RBM27: variants seen among roughly 807,000 people sequenced by gnomAD.
The protein encoded by RBM27 is RNA binding motif protein 27, also known as RNA-binding protein 27.
In RBM27, 22 loss-of-function variants were observed where a neutral mutation model predicts 135.3. The observed-to-expected ratio is 0.16, with a 90% confidence interval of 0.12 to 0.23. The LOEUF (loss-of-function observed/expected upper bound fraction) is 0.23. Ranked by LOEUF, RBM27 falls within the 10% of genes least tolerant of loss-of-function variation. The pLI is 1.00. For missense variants in RBM27, 1,009 were observed against 1,281.0 expected (o/e 0.79, Z 3.24); for synonymous variants, 481 against 442.4 (o/e 1.09, Z -1.10).
chr5:146,246,595 C>A (rs1374958600), intron 8 of RBM27, among the ~76,000 whole-genome samples: 1 of 152,102 alleles, frequency 6.6e-6, no homozygotes, highest in African/African-American at 2.4e-5. Flanking sequence ...GGGAAGATAC[C>A]TTGAGGCCAA....
At chr5:146,262,192 T>A (rs988016795) in intron 13 of RBM27, among the ~76,000 whole-genome samples, 4 of 152,236 alleles carry the variant, frequency 2.6e-5, no homozygotes, top group African/African-American at 4.8e-5. Flanking sequence ...ACAGGGCCTA[T>A]AAATATACAT....
intron 1 of RBM27, among the ~76,000 whole-genome samples, chr5:146,216,770 G>T (rs1485737704): frequency 6.6e-6 from 1 of 152,108 alleles, no homozygotes; most frequent in Admixed American, 6.6e-5. Flanking sequence ...CAATGCTCCT[G>T]TCTCAGCTTC....
At chr5:146,270,506 C>T (rs919421026) in intron 17 of RBM27, among the ~76,000 whole-genome samples, 2 of 152,114 alleles carry the variant, frequency 1.3e-5, no homozygotes, top group African/African-American at 4.8e-5. Flanking sequence ...CATTGGCAGT[C>T]ATGTCTTTTA....
At position 146,204,868 on chromosome 5, in the gene RBM27, A is replaced by G. The variant is rs767108766; in HGVS notation, c.59+1044A>G. On this transcript the variant is annotated intron_variant, in intron 1 of 20. Transcript: ENST00000265271. ...GTAGAAATGTTATTGGGAGGCTTGA[A>G]AGAGGTAACAGATGTATCAACATTT... Among the ~76,000 whole-genome samples the G allele has an allele frequency of 2.0e-4, 31 of 152,280 alleles. 1 individual carries two copies. Among genetic ancestry groups the G allele is most frequent in the Non-Finnish European group, 3.8e-4 (26 of 68,012 alleles).
At chr5:146,256,125 G>A (rs1487748806) in intron 10 of RBM27, among the ~76,000 whole-genome samples, 1 of 150,954 alleles carries the variant, frequency 6.6e-6, no homozygotes, top group Non-Finnish European at 1.5e-5. Flanking sequence ...CAAAGTGCTG[G>A]TATTACAGGT....
chr5:146,253,197 C>T (rs1397942689), intron 9 of RBM27, among the ~76,000 whole-genome samples: 1 of 152,040 alleles, frequency 6.6e-6, no homozygotes, highest in African/African-American at 2.4e-5. Flanking sequence ...GGGGTTTTGC[C>T]ATGTTGGTCA....
intron 7 of RBM27, among the ~76,000 whole-genome samples, chr5:146,234,182 T>A (rs1279069173): frequency 2.0e-5 from 3 of 152,188 alleles, no homozygotes; most frequent in African/African-American, 7.2e-5. Context: ...GAAAGCCAGT[T>A]TTTAAGATGT....
At position 146,281,621 on chromosome 5, in the gene RBM27, C is replaced by T. The variant is rs886715280; in HGVS notation, c.2989-3001C>T. ...GTGTTGGGCTGCATTCAAAGCCATC[C>T]TGGGCCATATGTGGCCCATGGGCCA... On this transcript the variant is annotated intron_variant, in intron 19 of 20. Transcript: ENST00000265271. Among the ~76,000 whole-genome samples the T allele has an allele frequency of 2.6e-5, 4 of 152,218 alleles. No individual in the cohort carries two copies. In the South Asian group the frequency reaches 8.3e-4, roughly 32 times the overall value.
At chr5:146,240,927 C>T (rs146985233) in intron 8 of RBM27, among the ~76,000 whole-genome samples, 11 of 152,162 alleles carry the variant, frequency 7.2e-5, no homozygotes, top group East Asian at 3.9e-4. Context: ...TATGGAACTC[C>T]GGAGTACCCA....
intron 8 of RBM27, among the ~76,000 whole-genome samples, chr5:146,251,186 G>A (rs912638014): frequency 2.6e-5 from 4 of 151,902 alleles, no homozygotes; most frequent in Non-Finnish European, 5.9e-5. Context: ...TATTCTTTGC[G>A]AAGGTATGCA....
At chr5:146,203,884 G>T in intron 1 of RBM27, 60 bp downstream of exon 1, 3 of 1,386,568 alleles carry the variant, frequency 2.2e-6, no homozygotes, top group Non-Finnish European at 3.0e-6. Flanking sequence ...TCGCGGGGGC[G>T]TGGGGGAGGG....
Position 146,267,661 on chromosome 5 carries a change from C to G in RBM27, c.2344C>G (p.Pro782Ala), listed in dbSNP as rs1446723774. ...AGEDCQIFST[P>A]GHPKMIYSSS... ...CTTTATTTTTTAGATATTTTCAACT[C>G]CAGGCCATCCAAAAATGATTTACAG... Residue 782 changes from proline to alanine, a missense_variant, in exon 15 of 21, where the codon CCA becomes GCA. By Grantham distance (27) the Pro-to-Ala change is conservative. Transcript: ENST00000265271. The G allele has an allele frequency of 6.4e-6, 10 of 1,561,382 alleles. No homozygotes were observed. Among genetic ancestry groups the G allele is most frequent in the South Asian group, 1.2e-5 (1 of 86,696 alleles).
rs1758046474 is a variant in RBM27, at chr5:146,254,954, C to A, written c.1456C>A (p.Pro486Thr). The A allele has an allele frequency of 1.3e-6, 2 of 1,586,352 alleles. No homozygotes were observed. The highest frequency in any genetic ancestry group is 1.7e-6 in the Non-Finnish European group (2 of 1,160,772). The change falls in exon 10 of 21, where the codon CCA (proline) becomes ACA (threonine). Residue 486 changes from proline (P) to threonine (T), a missense_variant. Physicochemically the swap from Pro to Thr is conservative, Grantham distance 38. Coordinates refer to ENST00000265271, the MANE Select transcript of RBM27 (RefSeq NM_018989.2). The part of the protein sequence containing the change: ...PTPLVPDTYE[P>T]DGYNPEAPSI... Reference sequence around the variant, plus strand: ...TTGTTTTCCCTCAGATACATATGAACCAGATGGTTACAACCCAGAAGCTCC... The same window carrying A: ...TTGTTTTCCCTCAGATACATATGAAACAGATGGTTACAACCCAGAAGCTCC...
rs988048934 is a variant in RBM27 at position 146,251,735 on chromosome 5, A to G, written c.1304A>G (p.His435Arg). The G allele has an allele frequency of 3.1e-6, 5 of 1,612,684 alleles. No individual in the cohort carries two copies. The highest frequency in any genetic ancestry group is 4.2e-6 in the Non-Finnish European group (5 of 1,178,700). ...SERQPMYSRE[H>R]GAAASERLQL... ...GGACAGCCCATGTACTCTCGTGAAC[A>G]TGGTGCTGCTGCATCTGAGCGACTT... Residue 435 changes from histidine (H) to arginine (R), a missense_variant, in exon 9 of 21, where the codon CAT becomes CGT. His to Arg is a conservative substitution (Grantham distance 29, BLOSUM62 0). Transcript: ENST00000265271.
At chr5:146,214,232 T>A (rs1756095147) in intron 1 of RBM27, among the ~76,000 whole-genome samples, 1 of 152,202 alleles carries the variant, frequency 6.6e-6, no homozygotes, top group Non-Finnish European at 1.5e-5. Context: ...ATCTCCATGT[T>A]ATAATAAAAG....
chr5:146,261,387 A>G (rs898124077), intron 12 of RBM27, 123 bp from the exon 13 acceptor site: 2 of 799,726 alleles, frequency 2.5e-6, no homozygotes, highest in Middle Eastern at 3.8e-4. Flanking sequence ...TAAAACAGTA[A>G]TGTTGGAGTT....
chr5:146,267,870 A>G (rs1312524037), intron 15 of RBM27, 102 bp downstream of exon 15: 1 of 1,165,414 alleles, frequency 8.6e-7, no homozygotes, highest in South Asian at 1.4e-5. Context: ...GCAGGGCATA[A>G]CATCATAATG....
At position 146,229,878 on chromosome 5, in the gene RBM27, G is replaced by T. The variant is rs540414884; in HGVS notation, c.557G>T (p.Arg186Leu). 63 of 1,613,798 alleles carry T rather than the reference G, an allele frequency of 3.9e-5. No individual in the cohort carries two copies. Among genetic ancestry groups the T allele is most frequent in the Non-Finnish European group, 5.0e-5 (59 of 1,179,900 alleles). ...LSRSRSRSRG[R>L]SKDRDPNRNV... is the part of the protein sequence containing the mutation. ...CGCAGTAGAAGCCGAAGTAGGGGGC[G>T]CAGCAAAGACCGGGATCCAAATAGG... Residue 186 changes from arginine (R) to leucine (L), a missense_variant, in exon 5 of 21, where the codon CGC becomes CTC. Physicochemically the swap from Arg to Leu is moderately radical, Grantham distance 102. Transcript: ENST00000265271.
chr5:146,238,922 A>C (rs1341134885), intron 8 of RBM27, among the ~76,000 whole-genome samples: 2 of 152,166 alleles, frequency 1.3e-5, no homozygotes, highest in African/African-American at 2.4e-5. Context: ...TACCTCATTA[A>C]GGTTGTTTTG....
Sources: allele counts gnomAD v4.1 joint callset (sites outside exome capture counted in the v4.1 genomes callset), GRCh38; gene constraint gnomAD v4.1.1; transcripts MANE v1.5; gene names NCBI Gene and HGNC (gene_info 2026-07-23, HGNC 2026-07-21).